The following KCNB2 variants were observed in gnomAD, a reference collection of about 807,000 sequenced individuals.
The protein encoded by KCNB2 is potassium voltage-gated channel subfamily B member 2, also known as delayed rectifier potassium channel protein.
In KCNB2, 15 loss-of-function variants were observed where a neutral mutation model predicts 61.5. That is an observed-to-expected ratio of 0.24 (90% confidence interval 0.16 to 0.38). The LOEUF is 0.38. KCNB2 is among the 10% of genes least tolerant of loss of function. The pLI is 1.00. For missense variants in KCNB2, 828 were observed against 1,125.2 expected, an observed-to-expected ratio of 0.74 and a Z score of 3.78; for synonymous variants, 457 against 446.0, an observed-to-expected ratio of 1.02 and a Z score of -0.31.
intron 2 of KCNB2, among the ~76,000 whole-genome samples, chr8:72,695,100 G>C (rs1289085724): frequency 6.6e-6 from 1 of 152,050 alleles, no homozygotes; most frequent in Non-Finnish European, 1.5e-5. Context: ...ACCAAGTTTA[G>C]AGGAATCATT....
intron 2 of KCNB2, among the ~76,000 whole-genome samples, chr8:72,723,176 C>A (rs1426415604): frequency 1.3e-5 from 2 of 152,112 alleles, no homozygotes; most frequent in Non-Finnish European, 2.9e-5. Context: ...ATTAAATTGG[C>A]AATTGGACAG....
In KCNB2 at chr8:72,829,983, C is replaced by CAA. The variant is rs11351226; in HGVS notation, c.580-105937_580-105936dup. Among the ~76,000 whole-genome samples, 17 of 120,330 alleles carry CAA rather than the reference C, an allele frequency of 1.4e-4. 1 individual carries two copies. The East Asian group carries it at 3.7e-3, about 26-fold the overall frequency. 78.9% of individuals were successfully genotyped at this position (120,330 alleles called of 152,430 possible). ...AAATGGAGGAAAAAAGCTGCTGCTT[C>CAA]AAAAAAAAAAAAAAAAGCCAACTAG... On this transcript the variant is annotated intron_variant, in intron 2 of 2. Transcript: ENST00000523207.
intron 2 of KCNB2, among the ~76,000 whole-genome samples, chr8:72,663,185 C>A (rs73305895): frequency 0.028 from 4,216 of 152,262 alleles, 73 homozygotes; most frequent in South Asian, 0.073. Flanking sequence ...TTTAGAGGTT[C>A]TATAACCTGT....
chr8:72,796,408 C>T lies in KCNB2; in HGVS notation c.580-139527C>T, dbSNP rs1809031312. On this transcript the variant is annotated intron_variant, in intron 2 of 2. Transcript: ENST00000523207. ...TTTGCTCCTTTTTTATTGAGGTAAACAGCTGGCTAATGTTAATCATACAGC... is the reference window on the plus strand; with the variant it reads ...TTTGCTCCTTTTTTATTGAGGTAAATAGCTGGCTAATGTTAATCATACAGC... Among the ~76,000 whole-genome samples, 3 of 152,070 alleles carry T rather than the reference C, an allele frequency of 2.0e-5. No individual in the cohort carries two copies. In the South Asian group the frequency reaches 6.2e-4, roughly 32 times the overall value.
At chr8:72,801,746 T>G (rs1354721755) in intron 2 of KCNB2, among the ~76,000 whole-genome samples, 1 of 151,664 alleles carries the variant, frequency 6.6e-6, no homozygotes, top group Non-Finnish European at 1.5e-5. Context: ...TCTGAGAAGG[T>G]GTCTGCAAAG....
At chr8:72,769,609 C>G in intron 2 of KCNB2, among the ~76,000 whole-genome samples, 1 of 152,112 alleles carries the variant, frequency 6.6e-6, no homozygotes, top group Middle Eastern at 3.2e-3. Flanking sequence ...TTCCACTGGA[C>G]TGGAGGCTTG....
chr8:72,690,530 C>T (rs546757237), intron 2 of KCNB2, among the ~76,000 whole-genome samples: 1 of 152,276 alleles, frequency 6.6e-6, no homozygotes, highest in Non-Finnish European at 1.5e-5. Context: ...TAGCACTTGG[C>T]ACTTTCTGTA....
intron 2 of KCNB2, among the ~76,000 whole-genome samples, chr8:72,787,782 A>AT (rs558571942): frequency 3.3e-4 from 51 of 152,250 alleles, no homozygotes; most frequent in Admixed American, 1.4e-3. Flanking sequence ...TCTTTTATGC[A>AT]TTTTACATTA....
rs541122352 is a variant in KCNB2 at position 72,616,375 on chromosome 8, T to C, written c.579+48062T>C. On this transcript the variant is annotated intron_variant, in intron 2 of 2. Coordinates refer to ENST00000523207, the MANE Select transcript of KCNB2 (RefSeq NM_004770.3). Reference sequence around the variant, plus strand: ...AACAGTGTCACATATAATAACCTCATGAGTGTTAAGAGTTAATCTTACCAG... The same window carrying C: ...AACAGTGTCACATATAATAACCTCACGAGTGTTAAGAGTTAATCTTACCAG... Among the ~76,000 whole-genome samples, 48 of 152,348 alleles carry C rather than the reference T, an allele frequency of 3.2e-4. No individual in the cohort carries two copies. In the South Asian group the frequency reaches 9.3e-3, roughly 30 times the overall value.
intron 2 of KCNB2, among the ~76,000 whole-genome samples, chr8:72,801,368 A>G (rs1325124170): frequency 6.6e-6 from 1 of 152,198 alleles, no homozygotes; most frequent in Admixed American, 6.5e-5. Flanking sequence ...ATCAGCTCTG[A>G]ACACTTTTGT....
At chr8:72,741,805 G>A (rs1807965141) in intron 2 of KCNB2, among the ~76,000 whole-genome samples, 1 of 152,040 alleles carries the variant, frequency 6.6e-6, no homozygotes, top group African/African-American at 2.4e-5. Context: ...CCTTACTCTT[G>A]CAAAAATGGC....
rs561544297 is a variant in KCNB2 at position 72,688,386 on chromosome 8, C to T, written c.579+120073C>T. ...GTTTCATCCCTCCCTGTGGGTTTTT[C>T]CACTGGAATGCCTATTCTTCTTGGG... On this transcript the variant is annotated intron_variant, in intron 2 of 2. Transcript: ENST00000523207. 3.3e-5 allele frequency among the ~76,000 whole-genome samples: 5 copies of T among 152,212 alleles called. No individual in the cohort carries two copies. The East Asian group carries it at 9.7e-4, about 29-fold the overall frequency.
At chr8:72,617,738 T>G (rs994566148) in intron 2 of KCNB2, among the ~76,000 whole-genome samples, 3 of 152,188 alleles carry the variant, frequency 2.0e-5, no homozygotes, top group African/African-American at 7.2e-5. Flanking sequence ...GTTGCATGCC[T>G]TCCCCTTACT....
intron 2 of KCNB2, among the ~76,000 whole-genome samples, chr8:72,898,297 T>C (rs976601840): frequency 6.7e-6 from 1 of 149,660 alleles, no homozygotes; most frequent in East Asian, 2.0e-4. Flanking sequence ...TTTTGTGGGG[T>C]AGGGGAAGGG....
chr8:72,774,282 A>G (rs1808610823), intron 2 of KCNB2, among the ~76,000 whole-genome samples: 1 of 152,162 alleles, frequency 6.6e-6, no homozygotes, highest in African/African-American at 2.4e-5. Context: ...AAATGAACCA[A>G]AGGAGAATAT....
At chr8:72,773,792 C>G (rs1808603095) in intron 2 of KCNB2, among the ~76,000 whole-genome samples, 1 of 152,180 alleles carries the variant, frequency 6.6e-6, no homozygotes, top group Non-Finnish European at 1.5e-5. Flanking sequence ...TAAGAACTTT[C>G]AGACTTAAAC....
chr8:72,552,076 C>T (rs982893660), intron 1 of KCNB2, among the ~76,000 whole-genome samples: 14 of 152,124 alleles, frequency 9.2e-5, no homozygotes, highest in African/African-American at 3.1e-4. Flanking sequence ...ACTCTATATT[C>T]TTCTTGACAA....
rs1563516599 is a variant in KCNB2 at position 72,537,497 on chromosome 8, C to T, written c.-482C>T. On this transcript the variant is annotated 5_prime_UTR_variant, in exon 1 of 3. Transcript: ENST00000523207. ...GCGAGCTCAGCCCCGCTCGATTTTT[C>T]CTCTTCTGTTCCAGCCCTCTCTTGT... 6.6e-6 allele frequency: 1 copy of T among 152,324 alleles called. No individual in the cohort carries two copies. Among genetic ancestry groups the T allele is most frequent in the Non-Finnish European group, 1.5e-5 (1 of 68,116 alleles). 9.4% of individuals were successfully genotyped at this position (152,324 alleles called of 1,614,324 possible).
chr8:72,601,470 C>T (rs1009121004), intron 2 of KCNB2, among the ~76,000 whole-genome samples: 1 of 152,214 alleles, frequency 6.6e-6, no homozygotes, highest in Non-Finnish European at 1.5e-5. Flanking sequence ...ACAGGCCTTT[C>T]ATCCAGCAGT....
Sources: allele counts gnomAD v4.1 joint callset (sites outside exome capture counted in the v4.1 genomes callset), GRCh38; gene constraint gnomAD v4.1.1; transcripts MANE v1.5; gene names NCBI Gene and HGNC (gene_info 2026-07-23, HGNC 2026-07-21).